The following SPECC1L variants were observed in gnomAD, a reference collection of about 807,000 sequenced individuals.
SPECC1L encodes cytospin-A.
SPECC1L carries 40 observed loss-of-function variants against 116.8 expected under a neutral mutation model. The ratio of observed to expected loss-of-function variants is 0.34; its 90% CI spans 0.27 to 0.45. SPECC1L has a LOEUF of 0.45. Among genes scored for constraint, SPECC1L ranks in the 20% least tolerant of loss-of-function variants. SPECC1L has a pLI of 1.00. For synonymous variants in SPECC1L, 504 were observed against 500.6 expected (o/e 1.01, Z -0.09); for missense variants, 1,110 against 1,373.6 (o/e 0.81, Z 3.03).
chr22:24,366,696 G>A (rs991934441), intron 13 of SPECC1L, among the ~76,000 whole-genome samples: 1 of 152,134 alleles, frequency 6.6e-6, no homozygotes, highest in Admixed American at 6.5e-5. Flanking sequence ...ATCAAAGATG[G>A]CTGTGTTTGT....
intron 11 of SPECC1L, among the ~76,000 whole-genome samples, chr22:24,355,754 A>G (rs1334727757): frequency 6.6e-6 from 1 of 151,888 alleles, no homozygotes; most frequent in Non-Finnish European, 1.5e-5. Flanking sequence ...TGGTTTCGTA[A>G]TGCAGTCAGA....
intron 14 of SPECC1L, among the ~76,000 whole-genome samples, chr22:24,371,972 C>T (rs979005733): frequency 2.0e-5 from 3 of 152,192 alleles, no homozygotes; most frequent in Non-Finnish European, 4.4e-5. Flanking sequence ...CTGCCTGCCT[C>T]AGCCTCCGAA....
At chr22:24,279,198 C>T (rs903545668) in intron 2 of SPECC1L, among the ~76,000 whole-genome samples, 86 of 152,180 alleles carry the variant, frequency 5.7e-4, no homozygotes, top group African/African-American at 1.9e-3. Context: ...AAATTGTTGA[C>T]GCTATAATTT....
At position 24,296,469 on chromosome 22, in the gene SPECC1L, G is replaced by A. The variant is rs539757465; in HGVS notation, c.-37-5726G>A. ...AGAACACAGAGGCAGGATCCACAAT[G>A]TTTTTATGAGGAGAGCTACTTTTTA... On this transcript the variant is annotated intron_variant, in intron 2 of 16. Transcript: ENST00000314328. Among the ~76,000 whole-genome samples, 230 of 152,380 alleles carry A rather than the reference G, an allele frequency of 1.5e-3. 2 individuals are homozygous for A. The highest frequency in any genetic ancestry group is 2.9e-3 in the South Asian group (14 of 4,830).
chr22:24,410,483 A>G (rs2042674564), intron 14 of SPECC1L, among the ~76,000 whole-genome samples: 1 of 152,238 alleles, frequency 6.6e-6, no homozygotes, highest in African/African-American at 2.4e-5. Context: ...TACAGCCTGC[A>G]GGGCTGAGGA....
At chr22:24,414,216 G>A (rs2042758925) in intron 16 of SPECC1L, among the ~76,000 whole-genome samples, 2 of 152,166 alleles carry the variant, frequency 1.3e-5, no homozygotes, top group South Asian at 4.1e-4. Context: ...CCAAGGAGTG[G>A]TTTAAGAAGA....
In SPECC1L at chr22:24,316,482, G is replaced by T. The variant is rs560793812; in HGVS notation, c.307+3016G>T. On this transcript the variant is annotated intron_variant, in intron 4 of 16. Coordinates refer to ENST00000314328, the MANE Select transcript of SPECC1L (RefSeq NM_015330.6). Reference sequence around the variant, plus strand: ...GAGATTAGGGAGTGGTGATGACTCTGAACGAGCATGCTGCCTTCAAGCGTC... The same window carrying T: ...GAGATTAGGGAGTGGTGATGACTCTTAACGAGCATGCTGCCTTCAAGCGTC... 7.0e-3 allele frequency among the ~76,000 whole-genome samples: 1,057 copies of T among 151,126 alleles called. 5 individuals carry two copies. The highest frequency in any genetic ancestry group is 0.019 in the South Asian group (92 of 4,718).
At chr22:24,362,122 C>T (rs2041657729) in intron 11 of SPECC1L, among the ~76,000 whole-genome samples, 1 of 152,168 alleles carries the variant, frequency 6.6e-6, no homozygotes, top group Non-Finnish European at 1.5e-5. Flanking sequence ...CCAGAAAGAA[C>T]AATTCTGGTT....
At chr22:24,391,218 C>G (rs554805081) in intron 14 of SPECC1L, among the ~76,000 whole-genome samples, 185 of 152,188 alleles carry the variant, frequency 1.2e-3, no homozygotes, top group African/African-American at 4.3e-3. Context: ...TAATTGATGG[C>G]TTTTCTGTCC....
chr22:24,352,193 T>A (rs1294634286), intron 11 of SPECC1L, among the ~76,000 whole-genome samples: 1 of 152,210 alleles, frequency 6.6e-6, no homozygotes, highest in African/African-American at 2.4e-5. Flanking sequence ...AGTGAATCTT[T>A]GTAGATAGTA....
chr22:24,325,765 T>A (rs1470123526), intron 6 of SPECC1L, among the ~76,000 whole-genome samples: 1 of 152,166 alleles, frequency 6.6e-6, no homozygotes, highest in African/African-American at 2.4e-5. Context: ...AAATGTCACC[T>A]GAGAATCAAA....
chr22:24,390,081 T>C (rs1046213534), intron 14 of SPECC1L, among the ~76,000 whole-genome samples: 3 of 151,768 alleles, frequency 2.0e-5, no homozygotes, highest in African/African-American at 7.3e-5. Context: ...CTTTCCCTTA[T>C]GTGTCCAGCC....
chr22:24,358,897 G>A (rs951587930), intron 11 of SPECC1L, among the ~76,000 whole-genome samples: 4 of 152,176 alleles, frequency 2.6e-5, no homozygotes, highest in East Asian at 1.9e-4. Flanking sequence ...CCCATGTTAT[G>A]TATCTGTCTG....
chr22:24,312,981 A>C (rs1360221962), intron 3 of SPECC1L, among the ~76,000 whole-genome samples: 1 of 152,220 alleles, frequency 6.6e-6, no homozygotes, highest in Non-Finnish European at 1.5e-5. Flanking sequence ...TTGCAAGATG[A>C]CACTTCCTGT....
intron 2 of SPECC1L, among the ~76,000 whole-genome samples, chr22:24,298,814 C>G (rs1008766367): frequency 6.6e-6 from 1 of 152,158 alleles, no homozygotes; most frequent in African/African-American, 2.4e-5. Flanking sequence ...TTTAGACAGT[C>G]CACTGAATAA....
chr22:24,321,155 A>G (rs2040713659), intron 4 of SPECC1L, 133 bp from the exon 5 acceptor site: 1 of 1,019,412 alleles, frequency 9.8e-7, no homozygotes, highest in Non-Finnish European at 1.5e-6. Flanking sequence ...CTCTAAGGCA[A>G]GATTATTGTA....
At chr22:24,307,473 C>T (rs1601528815) in intron 3 of SPECC1L, among the ~76,000 whole-genome samples, 1 of 152,064 alleles carries the variant, frequency 6.6e-6, no homozygotes, top group South Asian at 2.1e-4. Context: ...CTTCTCTCCC[C>T]TCCCCTCCAC....
intron 3 of SPECC1L, among the ~76,000 whole-genome samples, chr22:24,311,735 G>C (rs565042689): frequency 6.6e-6 from 1 of 150,542 alleles, no homozygotes; most frequent in South Asian, 2.1e-4. Flanking sequence ...TACCCGGAAG[G>C]TGGAGATTGC....
In SPECC1L at chr22:24,414,641, G is replaced by T; in HGVS notation, c.*18G>T. ...AGACCTGAGCATGCCGGGAGGAGCC[G>T]CCCCAATAGCGGGGGTACCCCTCCA... is the stretch of plus-strand genomic sequence containing the variant. On this transcript the variant is annotated 3_prime_UTR_variant, in exon 17 of 17. Transcript: ENST00000314328. 5 of 1,609,912 alleles carry T rather than the reference G, an allele frequency of 3.1e-6. No individual in the cohort carries two copies. Among genetic ancestry groups the T allele is most frequent in the Non-Finnish European group, 4.2e-6 (5 of 1,176,840 alleles).
Sources: allele counts gnomAD v4.1 joint callset (sites outside exome capture counted in the v4.1 genomes callset), GRCh38; gene constraint gnomAD v4.1.1; transcripts MANE v1.5; gene names NCBI Gene and HGNC (gene_info 2026-07-23, HGNC 2026-07-21).